The following NPFFR2 variants were observed in gnomAD, a reference collection of about 807,000 sequenced individuals.
NPFFR2 encodes neuropeptide FF receptor 2.
Under a neutral mutation model 13.1 loss-of-function variants are expected in NPFFR2, and 15 were observed. That is an observed-to-expected ratio of 1.15 (90% confidence interval 0.77 to 1.76). The LOEUF is 1.76. Among genes scored for constraint, NPFFR2 ranks in the 40% most tolerant of loss-of-function variants. The pLI, the probability that NPFFR2 is intolerant of heterozygous loss-of-function variation, is 0.00. For missense variants in NPFFR2, 572 were observed against 503.5 expected, an observed-to-expected ratio of 1.14 and a Z score of -1.30; for synonymous variants, 190 against 175.7, an observed-to-expected ratio of 1.08 and a Z score of -0.65.
intron 1 of NPFFR2, among the ~76,000 whole-genome samples, chr4:72,049,183 A>G (rs1719470054): frequency 6.6e-6 from 1 of 152,164 alleles, no homozygotes; most frequent in Non-Finnish European, 1.5e-5. Flanking sequence ...CTGAGAGCTC[A>G]CTTTTATTAA....
At chr4:72,046,644 G>T (rs1221119450) in intron 1 of NPFFR2, among the ~76,000 whole-genome samples, 1 of 152,148 alleles carries the variant, frequency 6.6e-6, no homozygotes, top group Non-Finnish European at 1.5e-5. Flanking sequence ...TGCTGAAAAG[G>T]TGGAAGCAGC....
intron 2 of NPFFR2, among the ~76,000 whole-genome samples, 188 bp from the exon 3 acceptor site, chr4:72,137,852 A>G (rs11940196): frequency 0.48 from 73,457 of 152,080 alleles, 20,346 homozygotes; most frequent in East Asian, 0.77. Context: ...AAGTTTTGAC[A>G]TTATTGTTAG....
At chr4:72,101,835 G>A (rs993940527) in intron 1 of NPFFR2, among the ~76,000 whole-genome samples, 15 of 152,000 alleles carry the variant, frequency 9.9e-5, no homozygotes, top group Non-Finnish European at 4.4e-5. Flanking sequence ...GGGACTCATG[G>A]GCAAGGTTGT....
At chr4:72,056,050 T>TGA (rs1318325168) in intron 1 of NPFFR2, among the ~76,000 whole-genome samples, 1 of 151,992 alleles carries the variant, frequency 6.6e-6, no homozygotes, top group Non-Finnish European at 1.5e-5. Context: ...ATCCAGAAGT[T>TGA]CTCACTAAGA....
intron 1 of NPFFR2, among the ~76,000 whole-genome samples, chr4:72,048,993 T>A (rs750332696): frequency 7.2e-5 from 11 of 152,104 alleles, no homozygotes; most frequent in Non-Finnish European, 1.3e-4. Flanking sequence ...AAAGAAGATA[T>A]GTAGGGAAGT....
intron 1 of NPFFR2, among the ~76,000 whole-genome samples, chr4:72,046,059 A>G (rs1292005763): frequency 6.6e-6 from 1 of 152,300 alleles, no homozygotes; most frequent in South Asian, 2.1e-4. Context: ...TGGGTAAGTA[A>G]TAGGTAATAT....
At chr4:72,073,168 T>A (rs1720312347) in intron 1 of NPFFR2, among the ~76,000 whole-genome samples, 1 of 152,048 alleles carries the variant, frequency 6.6e-6, no homozygotes, top group Admixed American at 6.6e-5. Context: ...GTAACTGATT[T>A]AATTGTATAT....
At chr4:72,097,794 C>T (rs1251194157) in intron 1 of NPFFR2, among the ~76,000 whole-genome samples, 2 of 152,062 alleles carry the variant, frequency 1.3e-5, no homozygotes, top group East Asian at 3.9e-4. Context: ...ATATACAACC[C>T]CCAAAATACA....
chr4:72,103,026 A>G (rs1721302670), intron 1 of NPFFR2, among the ~76,000 whole-genome samples: 1 of 152,088 alleles, frequency 6.6e-6, no homozygotes, highest in African/African-American at 2.4e-5. Flanking sequence ...CATCCTCTCC[A>G]GCACCTGTTG....
chr4:72,032,535 C>A (rs2109749225), intron 1 of NPFFR2, among the ~76,000 whole-genome samples: 1 of 152,326 alleles, frequency 6.6e-6, no homozygotes, highest in East Asian at 1.9e-4. Flanking sequence ...ATTTCCTTAG[C>A]GGGTCTGAAG....
At chr4:72,102,665 G>A (rs1721289565) in intron 1 of NPFFR2, among the ~76,000 whole-genome samples, 1 of 151,516 alleles carries the variant, frequency 6.6e-6, no homozygotes. Context: ...TGAGAATGAT[G>A]GTTTCCAGCT....
intron 1 of NPFFR2, among the ~76,000 whole-genome samples, chr4:72,055,514 G>A (rs563109338): frequency 5.3e-4 from 81 of 151,940 alleles, no homozygotes; most frequent in African/African-American, 1.6e-3. Flanking sequence ...GAGACAAAAC[G>A]ATATCAAAAT....
At chr4:72,122,385 C>G (rs948274441) in intron 1 of NPFFR2, among the ~76,000 whole-genome samples, 6 of 152,128 alleles carry the variant, frequency 3.9e-5, no homozygotes, top group Non-Finnish European at 8.8e-5. Context: ...TTGAACTCAG[C>G]TCTGGACCAA....
At chr4:72,141,574 G>C (rs550149997) in intron 3 of NPFFR2, among the ~76,000 whole-genome samples, 13 of 152,220 alleles carry the variant, frequency 8.5e-5, no homozygotes, top group African/African-American at 3.1e-4. Context: ...GCTGTTTTGA[G>C]TGGGTTTCTT....
chr4:72,107,902 T>C (rs1721461986), intron 1 of NPFFR2, among the ~76,000 whole-genome samples: 1 of 152,068 alleles, frequency 6.6e-6, no homozygotes, highest in East Asian at 1.9e-4. Context: ...GTGAAAGTTA[T>C]TTTTATGCAT....
chr4:72,058,383 T>C (rs1190789366), intron 1 of NPFFR2, among the ~76,000 whole-genome samples: 1 of 108,660 alleles, frequency 9.2e-6, no homozygotes, highest in East Asian at 2.2e-4. Flanking sequence ...CTGAAATTAT[T>C]TCAAAATAAA....
chr4:72,106,815 A>C (rs4694117), intron 1 of NPFFR2, among the ~76,000 whole-genome samples: 39,286 of 151,826 alleles, frequency 0.26, 6,266 homozygotes, highest in Admixed American at 0.34. Context: ...CATTTTTATT[A>C]TTAGAAATCA....
At chr4:72,075,805 A>G (rs1374164076) in intron 1 of NPFFR2, among the ~76,000 whole-genome samples, 1 of 152,164 alleles carries the variant, frequency 6.6e-6, no homozygotes, top group East Asian at 1.9e-4. Context: ...ATGAATATAG[A>G]ATTTCAGCTT....
intron 1 of NPFFR2, among the ~76,000 whole-genome samples, chr4:72,102,632 T>C (rs1578456556): frequency 6.6e-6 from 1 of 150,986 alleles, no homozygotes; most frequent in South Asian, 2.1e-4. Context: ...GGTGTTTGTT[T>C]TTTTGTCCTT....
Sources: gnomAD v4.1 joint callset for allele counts (sites outside exome capture counted in the v4.1 genomes callset) on GRCh38, gnomAD v4.1.1 for gene constraint, MANE v1.5 for transcripts, NCBI Gene and HGNC (gene_info 2026-07-23, HGNC 2026-07-21) for gene names.